RNF157: variants seen among roughly 807,000 people sequenced by gnomAD.
RNF157 encodes the protein E3 ubiquitin ligase RNF157.
In RNF157, 55 loss-of-function variants were observed where a neutral mutation model predicts 88.3. That is an observed-to-expected ratio of 0.62 (90% confidence interval 0.50 to 0.78). RNF157 has a LOEUF of 0.78. Among genes scored for constraint, RNF157 ranks in the 30% least tolerant of loss-of-function variants. The pLI is 0.00. For synonymous variants in RNF157, 334 were observed against 341.2 expected (o/e 0.98, Z 0.23); for missense variants, 788 against 860.8 (o/e 0.92, Z 1.06).
chr17:76,185,996 C>T lies in RNF157; in HGVS notation c.208-12206G>A, dbSNP rs892180349. 1.6e-4 allele frequency among the ~76,000 whole-genome samples: 24 copies of T among 152,090 alleles called. No individual in the cohort carries two copies. The East Asian group carries it at 4.4e-3, about 28-fold the overall frequency. ...TAAAACATATATATATATATTTCTTCCTAAGCAAGTATTTGAACGTTCTAA... is the reference window on the plus strand; with the variant it reads ...TAAAACATATATATATATATTTCTTTCTAAGCAAGTATTTGAACGTTCTAA... On this transcript the variant is annotated intron_variant, in intron 2 of 18. Coordinates refer to ENST00000269391, the MANE Select transcript of RNF157 (RefSeq NM_052916.3).
chr17:76,196,433 G>A (rs921720206), intron 2 of RNF157, among the ~76,000 whole-genome samples: 27 of 152,156 alleles, frequency 1.8e-4, no homozygotes, highest in African/African-American at 6.3e-4. Flanking sequence ...CTGAATGCTG[G>A]CCACAGCGGA....
At chr17:76,162,809 G>C in intron 8 of RNF157, 186 bp from the exon 9 acceptor site, 1 of 492,586 alleles carries the variant, frequency 2.0e-6, no homozygotes, top group Non-Finnish European at 3.6e-6. Flanking sequence ...AGAGAAGAAA[G>C]AAAATCAAAT....
chr17:76,155,643 G>A lies in RNF157; in HGVS notation c.1617C>T (p.Tyr539=), dbSNP rs2068751539. 1.2e-6 allele frequency: 2 copies of A among 1,613,984 alleles called. No individual in the cohort carries two copies. The highest frequency in any genetic ancestry group is 8.5e-7 in the Non-Finnish European group (1 of 1,179,964). The change falls in exon 15 of 19, where the codon TAC becomes TAT. Residue 539 remains tyrosine (Y), a synonymous_variant. Transcript: ENST00000269391. ...CCTCCTCTTCAGTGCCAGGGGCGAT[G>A]TAGGAGCCAGACATGGAGGAGACGG... ...TDTVSSMSGS[Y]IAPGTEEEGE... is the part of the protein sequence containing the mutation.
intron 2 of RNF157, among the ~76,000 whole-genome samples, chr17:76,178,443 G>A (rs550517660): frequency 9.2e-5 from 14 of 152,218 alleles, no homozygotes; most frequent in South Asian, 2.1e-4. Flanking sequence ...CCCCACTCTC[G>A]CTCACACACC....
intron 2 of RNF157, among the ~76,000 whole-genome samples, chr17:76,206,013 T>C (rs578115039): frequency 1.3e-5 from 2 of 152,246 alleles, no homozygotes; most frequent in African/African-American, 4.8e-5. Flanking sequence ...GAAGACTACT[T>C]GAGCAAAGGA....
chr17:76,148,623 T>G (rs2068624836), intron 18 of RNF157, among the ~76,000 whole-genome samples: 1 of 145,058 alleles, frequency 6.9e-6, no homozygotes, highest in Non-Finnish European at 1.5e-5. Flanking sequence ...CAGGCTGGAG[T>G]GCAGTGGTGT....
chr17:76,165,102 A>C lies in RNF157; in HGVS notation c.673-307T>G, dbSNP rs1598396967. ...TAGGTGTGGATGTAGTATGGGAAAA[A>C]CCACAGTGTATATGAGGGTTCTGTA... On this transcript the variant is annotated intron_variant, in intron 7 of 18. Transcript: ENST00000269391. Among the ~76,000 whole-genome samples the C allele has an allele frequency of 2.6e-5, 4 of 152,232 alleles. 1 individual carries two copies. In the Middle Eastern group the frequency reaches 0.014, roughly 518 times the overall value.
intron 2 of RNF157, among the ~76,000 whole-genome samples, chr17:76,198,542 A>G (rs1216742570): frequency 6.6e-6 from 1 of 152,164 alleles, no homozygotes; most frequent in Non-Finnish European, 1.5e-5. Flanking sequence ...ACCACACCCT[A>G]GATTCTGCCC....
Position 76,240,257 on chromosome 17 carries a change from G to T in RNF157, c.-17C>A. The T allele has an allele frequency of 8.5e-7, 1 of 1,179,504 alleles. No homozygotes were observed. The highest frequency in any genetic ancestry group is 3.1e-5 in the South Asian group (1 of 32,202). The allele number at this position is 1,179,504 out of a possible 1,614,324, so 73.1% of individuals were successfully genotyped here. ...GGCCCCCATGGCCGCTGCGGCTGCA[G>T]CCCCGGCCCGGCCCCGGTGCCCGCG... On this transcript the variant is annotated 5_prime_UTR_variant, in exon 1 of 19. In the 5' UTR this introduces an upstream ATG that the reference lacks. Coordinates refer to ENST00000269391, the MANE Select transcript of RNF157 (RefSeq NM_052916.3). This position sits in a 1 kb window ranked among gnomAD's most constrained non-coding sequence, Gnocchi z 4.4.
At chr17:76,234,675 T>C (rs961238854) in intron 1 of RNF157, among the ~76,000 whole-genome samples, 1 of 152,246 alleles carries the variant, frequency 6.6e-6, no homozygotes, top group Non-Finnish European at 1.5e-5. Context: ...TTTGGAGAAA[T>C]GTCTATTCAA....
In RNF157 at chr17:76,146,824, C is replaced by T. The variant is rs894699763; in HGVS notation, c.1922-1471G>A. 5 of 985,334 alleles carry T rather than the reference C, an allele frequency of 5.1e-6. No homozygotes were observed. The African/African-American group carries it at 8.7e-5, about 17-fold the overall frequency. The allele number at this position is 985,334 out of a possible 1,614,324, so 61.0% of individuals were successfully genotyped here. On this transcript the variant is annotated intron_variant, in intron 18 of 18. Transcript: ENST00000269391. This position sits in a 1 kb window ranked among gnomAD's most constrained non-coding sequence, Gnocchi z 4.2. ...GACCTGTTCAGCGGACAAGGCCGACCAACTGTAGAGTGTGGCCGTGAGGTT... is the reference window on the plus strand; with the variant it reads ...GACCTGTTCAGCGGACAAGGCCGACTAACTGTAGAGTGTGGCCGTGAGGTT...
intron 6 of RNF157, among the ~76,000 whole-genome samples, chr17:76,166,122 A>G (rs1051325021): frequency 6.6e-6 from 1 of 152,182 alleles, no homozygotes; most frequent in Admixed American, 6.5e-5. Flanking sequence ...TTAGAGGTGC[A>G]CACTGCCATA....
intron 2 of RNF157, among the ~76,000 whole-genome samples, chr17:76,197,840 G>C (rs1398067167): frequency 6.6e-6 from 1 of 152,238 alleles, no homozygotes; most frequent in Non-Finnish European, 1.5e-5. Flanking sequence ...TACTGTGCCA[G>C]ATTCAGGCCC....
At position 76,167,865 on chromosome 17, in the gene RNF157, A is replaced by G. The variant is rs1271055073; in HGVS notation, c.297-68T>C. Reference sequence around the variant, plus strand: ...TATTTTAAAATTTACCTTTAAAAAAATTAGCAATATATTGTGGGCTTCTCT... The same window carrying G: ...TATTTTAAAATTTACCTTTAAAAAAGTTAGCAATATATTGTGGGCTTCTCT... On this transcript the variant is annotated intron_variant, in intron 3 of 18. Transcript: ENST00000269391. 14 of 1,459,414 alleles carry G rather than the reference A, an allele frequency of 9.6e-6. 1 individual carries two copies. The highest frequency in any genetic ancestry group is 1.9e-5 in the Admixed American group (1 of 52,176). The allele number at this position is 1,459,414 out of a possible 1,614,324, so 90.4% of individuals were successfully genotyped here. A position where few individuals can be genotyped will look rare whatever the true frequency, so the allele number is the denominator to read the frequency against.
chr17:76,206,367 G>C (rs971938155), intron 2 of RNF157, among the ~76,000 whole-genome samples: 1 of 152,178 alleles, frequency 6.6e-6, no homozygotes, highest in African/African-American at 2.4e-5. Flanking sequence ...AGCAACACCA[G>C]CTCTTCTGCC....
intron 1 of RNF157, among the ~76,000 whole-genome samples, chr17:76,222,969 C>G (rs188406937): frequency 1.3e-5 from 2 of 151,918 alleles, no homozygotes; most frequent in African/African-American, 4.8e-5. Flanking sequence ...TGGCTCACTG[C>G]AAGCTCCGCC....
Position 76,155,544 on chromosome 17 carries a change from T to A in RNF157, c.1698+18A>T, listed in dbSNP as rs779733866. 2.5e-6 allele frequency: 4 copies of A among 1,609,044 alleles called. No individual in the cohort carries two copies. The African/African-American group carries it at 5.4e-5, about 22-fold the overall frequency. ...CAAAGAACAGAGAAGCCAGGGCGGTTCCCGTCCCTTCCCTTACCTCTCCTT... is the reference window on the plus strand; with the variant it reads ...CAAAGAACAGAGAAGCCAGGGCGGTACCCGTCCCTTCCCTTACCTCTCCTT... On this transcript the variant is annotated intron_variant, in intron 15 of 18. Transcript: ENST00000269391.
chr17:76,153,124 G>C lies in RNF157; in HGVS notation c.1811-659C>G, dbSNP rs114751629. 41,088 of 151,880 alleles carry C rather than the reference G, an allele frequency of 0.27. 5,704 individuals are homozygous for C. The highest frequency in any genetic ancestry group is 0.3 in the African/African-American group (12,591 of 41,358). 9.4% of individuals were successfully genotyped at this position (151,880 alleles called of 1,614,324 possible). The stretch of plus-strand genomic sequence containing the variant: ...ATCAAGCTCCCCTCTTTTTTTCTCA[G>C]TGAAACAGAGAGAAGAAAACAAATC... On this transcript the variant is annotated intron_variant, in intron 17 of 18. Coordinates refer to ENST00000269391, the MANE Select transcript of RNF157 (RefSeq NM_052916.3).
intron 1 of RNF157, chr17:76,226,951 G>A (rs996892853): frequency 1.4e-5 from 9 of 648,530 alleles, no homozygotes; most frequent in African/African-American, 5.5e-5. Context: ...TGCTGCTGCC[G>A]CCGCTGCAAA....
Sources: gnomAD v4.1 joint callset for allele counts (sites outside exome capture counted in the v4.1 genomes callset) on GRCh38, gnomAD v4.1.1 for gene constraint, Gnocchi (gnomAD v3.1) non-coding constraint, MANE v1.5 for transcripts, NCBI Gene and HGNC (gene_info 2026-07-23, HGNC 2026-07-21) for gene names.